The following EP400 variants were observed in gnomAD, a reference collection of about 807,000 sequenced individuals.
EP400 encodes the protein E1A binding protein p400.
A neutral mutation model predicts 354.1 loss-of-function variants in EP400; 105 were observed. The ratio of observed to expected loss-of-function variants is 0.30; its 90% CI spans 0.25 to 0.35. The LOEUF is 0.35. EP400 is among the 10% of genes least tolerant of loss of function. EP400 has a pLI of 1.00. For missense variants in EP400, 3,280 were observed against 4,121.0 expected, an observed-to-expected ratio of 0.80 and a Z score of 5.59; for synonymous variants, 1,646 against 1,716.9, an observed-to-expected ratio of 0.96 and a Z score of 1.02.
Position 132,067,282 on chromosome 12 carries a change from G to A in EP400, c.8750-80G>A. On this transcript the variant is annotated intron_variant, in intron 49 of 52. Transcript: ENST00000389561. This position sits in a 1 kb window ranked among gnomAD's most constrained non-coding sequence, Gnocchi z 5.3. ...ATAGTTTGTTATTTTCTGTAGAGGT[G>A]AGTCAGTTGGAACAGAGCTTGGCGT... 1.3e-6 allele frequency: 2 copies of A among 1,550,576 alleles called. No homozygotes were observed. The highest frequency in any genetic ancestry group is 1.7e-6 in the Non-Finnish European group (2 of 1,145,916).
intron 2 of EP400, among the ~76,000 whole-genome samples, chr12:131,963,363 T>G (rs1261227624): frequency 2.0e-5 from 3 of 152,234 alleles, no homozygotes; most frequent in Non-Finnish European, 4.4e-5. Context: ...TGAGTTAGGT[T>G]GTTGTGCTAT....
In EP400 at chr12:132,050,349, G is replaced by A. The variant is rs780683104; in HGVS notation, c.7227G>A (p.Thr2409=). The A allele has an allele frequency of 6.8e-6, 11 of 1,614,086 alleles. No homozygotes were observed. The highest frequency in any genetic ancestry group is 8.5e-6 in the Non-Finnish European group (10 of 1,180,016). ...GKSKNNRPLR[T]SQIYAQDENA... ...GTAAAAACAACCGTCCTCTCCGTAC[G>A]AGCCAGATCTATGCCCAGGATGAGA... The change falls in exon 40 of 53, where the codon ACG becomes ACA. Residue 2409 remains threonine, a synonymous_variant. Coordinates refer to ENST00000389561, the MANE Select transcript of EP400 (RefSeq NM_015409.5). The surrounding 1 kb of genome is among the most constrained non-coding windows in gnomAD (Gnocchi z 4.8).
Position 132,012,859 on chromosome 12 carries a change from G to A in EP400, c.3442-150G>A, listed in dbSNP as rs565929720. 4.2e-4 allele frequency: 319 copies of A among 753,882 alleles called. 7 individuals are homozygous for A. The South Asian group carries it at 8.3e-3, about 20-fold the overall frequency. The allele number at this position is 753,882 out of a possible 1,614,324, so 46.7% of individuals were successfully genotyped here. On this transcript the variant is annotated intron_variant, in intron 16 of 52. Coordinates refer to ENST00000389561, the MANE Select transcript of EP400 (RefSeq NM_015409.5). The stretch of plus-strand genomic sequence containing the variant: ...AAACATAAACACAGCCGTTTTCTGT[G>A]CGGTAATAGCAAGTTATTTAAAAAA...
intron 5 of EP400, 42 bp downstream of exon 5, chr12:131,982,520 G>T: frequency 6.5e-7 from 1 of 1,550,210 alleles, no homozygotes; most frequent in Non-Finnish European, 8.7e-7. Context: ...TGGTTTGCAG[G>T]ATTTGCTGGC....
At chr12:132,000,298 A>G (rs967404349) in intron 12 of EP400, among the ~76,000 whole-genome samples, 2 of 152,074 alleles carry the variant, frequency 1.3e-5, no homozygotes, top group African/African-American at 4.8e-5. Flanking sequence ...TATTTTTATT[A>G]TTATTCTACA....
At chr12:131,980,628 C>G (rs1892648686) in intron 3 of EP400, among the ~76,000 whole-genome samples, 1 of 152,186 alleles carries the variant, frequency 6.6e-6, no homozygotes, top group African/African-American at 2.4e-5. Flanking sequence ...TCACTGCAGC[C>G]TCTACCTCCC....
chr12:132,041,443 G>A (rs1478716137), intron 32 of EP400, among the ~76,000 whole-genome samples: 2 of 152,204 alleles, frequency 1.3e-5, no homozygotes, highest in African/African-American at 2.4e-5. Flanking sequence ...TGACAGCACC[G>A]CCTGCTTCTG....
At chr12:131,970,226 A>G (rs1369955487) in intron 2 of EP400, among the ~76,000 whole-genome samples, 2 of 152,258 alleles carry the variant, frequency 1.3e-5, no homozygotes, top group African/African-American at 2.4e-5. Flanking sequence ...AGGAGTGCCT[A>G]TCAACACGAA....
intron 39 of EP400, among the ~76,000 whole-genome samples, chr12:132,048,274 G>A (rs995786603): frequency 1.3e-5 from 2 of 152,210 alleles, no homozygotes; most frequent in Non-Finnish European, 2.9e-5. Context: ...AAGTGTCCAT[G>A]AAATCTTCAC....
chr12:131,972,277 G>A (rs901421667), intron 2 of EP400, among the ~76,000 whole-genome samples: 17 of 151,492 alleles, frequency 1.1e-4, no homozygotes, highest in East Asian at 9.7e-4. Flanking sequence ...CTCAGCCTCC[G>A]GAGTAGCTGA....
rs1263311411 is a variant in EP400, at chr12:132,021,268, G to A, written c.4637G>A (p.Ser1546Asn). The change falls in exon 23 of 53, where the codon AGC (serine) becomes AAC (asparagine). Residue 1546 changes from serine (S) to asparagine (N), a missense_variant. Ser to Asn is a conservative substitution (Grantham distance 46). This residue lies in a region of EP400 where 342 missense variants were observed against 342.7 expected (regional missense o/e 1.00). Coordinates refer to ENST00000389561, the MANE Select transcript of EP400 (RefSeq NM_015409.5). The stretch of plus-strand genomic sequence containing the variant: ...GCCCCCTCGCACGCGGCCGGGCAGA[G>A]CGCGCTGCCTCAGAGGCTGGTGCTC... ...PQAPSHAAGQ[S>N]ALPQRLVLPS... The A allele has an allele frequency of 6.5e-7, 1 of 1,533,282 alleles. No homozygotes were observed. The highest frequency in any genetic ancestry group is 8.7e-7 in the Non-Finnish European group (1 of 1,145,808). The allele number at this position is 1,533,282 out of a possible 1,614,324, so 95.0% of individuals were successfully genotyped here.
chr12:132,043,633 C>T lies in EP400; in HGVS notation c.6367-12C>T, dbSNP rs1255877570. On this transcript the variant is annotated splice_polypyrimidine_tract_variant and intron_variant, in intron 33 of 52. Transcript: ENST00000389561. The stretch of plus-strand genomic sequence containing the variant: ...CTATTAACCCTATTCAAAAAATATA[C>T]TTTTGGAACAGCTTACACCAATTGA... 6.2e-7 allele frequency: 1 copy of T among 1,600,758 alleles called. No individual in the cohort carries two copies. The highest frequency in any genetic ancestry group is 1.8e-5 in the Admixed American group (1 of 56,598).
chr12:131,988,797 G>A (rs887320018), intron 7 of EP400, among the ~76,000 whole-genome samples: 5 of 152,032 alleles, frequency 3.3e-5, no homozygotes, highest in African/African-American at 9.7e-5. Context: ...TGGGCCCTAG[G>A]GTCTTTGTTC....
intron 23 of EP400, 116 bp downstream of exon 23, chr12:132,021,437 C>T: frequency 7.3e-7 from 1 of 1,374,232 alleles, no homozygotes; most frequent in Non-Finnish European, 9.5e-7. Context: ...TTCCCCAGCC[C>T]CATGCCCGGT....
chr12:132,066,845 G>A lies in EP400; in HGVS notation c.8625G>A (p.Val2875=). 1 of 1,614,014 alleles carries A rather than the reference G, an allele frequency of 6.2e-7. No individual in the cohort carries two copies. The highest frequency in any genetic ancestry group is 2.2e-5 in the East Asian group (1 of 44,860). Residue 2875 remains valine (V), a synonymous_variant, in exon 49 of 53, where the codon GTG becomes GTA. Transcript: ENST00000389561. ...MQTQAPQPAQ[V]ALAKPPVVSV... ...CCCAGGCACCCCAGCCAGCCCAGGTGGCCTTGGCGAAGCCTCCGGTGGTGT... is the reference window on the plus strand; with the variant it reads ...CCCAGGCACCCCAGCCAGCCCAGGTAGCCTTGGCGAAGCCTCCGGTGGTGT...
At chr12:132,049,995 C>T (rs1895240167) in intron 39 of EP400, among the ~76,000 whole-genome samples, 1 of 152,210 alleles carries the variant, frequency 6.6e-6, no homozygotes, top group South Asian at 2.1e-4. Flanking sequence ...CAGCCCGCTC[C>T]ACACAGTCAC....
chr12:132,009,982 C>G (rs1347998676), intron 15 of EP400, among the ~76,000 whole-genome samples: 1 of 151,630 alleles, frequency 6.6e-6, no homozygotes, highest in African/African-American at 2.4e-5. Flanking sequence ...CCGTGCCTAG[C>G]CAGCTTTTCT....
chr12:132,055,703 GGTGT>G (rs372491957), intron 45 of EP400, among the ~76,000 whole-genome samples: 3 of 124,464 alleles, frequency 2.4e-5, no homozygotes, highest in Admixed American at 8.1e-5. Context: ...GAAGTGTAGG[GGTGT>G]GTGTGTGTGT....
rs985263426 is a variant in EP400, at chr12:131,990,833, G to C, written c.2629+119G>C. ...ACAGAGGACATCTGCTCATCAGCCA[G>C]CTGCCTGATTGTTACATTTCTCTTT... On this transcript the variant is annotated intron_variant, in intron 9 of 52. Transcript: ENST00000389561. This position sits in a 1 kb window ranked among gnomAD's most constrained non-coding sequence, Gnocchi z 4.2. 4.2e-6 allele frequency: 3 copies of C among 711,860 alleles called. No individual in the cohort carries two copies. The highest frequency in any genetic ancestry group is 2.9e-4 in the Middle Eastern group (1 of 3,444). The allele number at this position is 711,860 out of a possible 1,614,324, so 44.1% of individuals were successfully genotyped here. A position where few individuals can be genotyped will look rare whatever the true frequency, so the allele number is the denominator to read the frequency against.
Sources: allele counts gnomAD v4.1 joint callset (sites outside exome capture counted in the v4.1 genomes callset), GRCh38; gene constraint gnomAD v4.1.1; regional missense constraint gnomAD v4.1.1; non-coding constraint Gnocchi (gnomAD v3.1); transcripts MANE v1.5; gene names NCBI Gene and HGNC (gene_info 2026-07-23, HGNC 2026-07-21).